GRIA3: variants seen among roughly 807,000 people sequenced by gnomAD.
GRIA3 encodes glutamate receptor 3.
In GRIA3, 3 loss-of-function variants were observed where a neutral mutation model predicts 63.0. The observed-to-expected ratio is 0.05, with a 90% CI of 0.02 to 0.12. GRIA3 has a LOEUF of 0.12. Ranked by LOEUF, GRIA3 falls within the 10% of genes least tolerant of loss-of-function variation. The pLI is 1.00. For synonymous variants in GRIA3, 274 were observed against 257.9 expected (o/e 1.06, Z -0.60); for missense variants, 347 against 700.9 (o/e 0.50, Z 5.70).
chrX:123,306,016 A>T (rs755809954), intron 3 of GRIA3, among the ~76,000 whole-genome samples: 25 of 111,509 alleles, frequency 2.2e-4, no homozygotes, highest in Admixed American at 2.0e-3. Flanking sequence ...ATGTTCTTAG[A>T]CTATTCTGTA....
At chrX:123,272,071 C>CA (rs1198904337) in intron 3 of GRIA3, among the ~76,000 whole-genome samples, 1 of 111,698 alleles carries the variant, frequency 9.0e-6, no homozygotes, top group African/African-American at 3.3e-5. Flanking sequence ...GTTAGGAACA[C>CA]AGAGTCCAGC....
At chrX:123,266,878 C>G (rs1318220195) in intron 3 of GRIA3, among the ~76,000 whole-genome samples, 7 of 110,229 alleles carry the variant, frequency 6.4e-5, no homozygotes, top group Non-Finnish European at 1.1e-4. Flanking sequence ...CTCCATTCCC[C>G]CCATACACAC....
chrX:123,243,000 G>A (rs1168658591), intron 2 of GRIA3, among the ~76,000 whole-genome samples: 2 of 111,664 alleles, frequency 1.8e-5, no homozygotes, highest in Non-Finnish European at 3.8e-5. Context: ...TATGGAGTAG[G>A]TACTATTATA....
intron 3 of GRIA3, among the ~76,000 whole-genome samples, chrX:123,283,650 G>A (rs1045169553): frequency 1.8e-4 from 20 of 111,854 alleles, no homozygotes; most frequent in African/African-American, 6.5e-4. Flanking sequence ...ACTCGGCAGA[G>A]CCCACTGCAG....
At chrX:123,374,342 C>T (rs1189376258) in intron 5 of GRIA3, among the ~76,000 whole-genome samples, 2 of 111,806 alleles carry the variant, frequency 1.8e-5, no homozygotes, top group Non-Finnish European at 1.9e-5. Context: ...AATGCAGGCT[C>T]TTTTTTGGTT....
At chrX:123,436,745 C>A (rs1185223741) in intron 12 of GRIA3, among the ~76,000 whole-genome samples, 1 of 111,336 alleles carries the variant, frequency 9.0e-6, no homozygotes, top group Non-Finnish European at 1.9e-5. Flanking sequence ...CACACAGGAC[C>A]CCCAGATCTT....
intron 5 of GRIA3, among the ~76,000 whole-genome samples, chrX:123,394,140 T>C (rs2147378110): frequency 8.9e-6 from 1 of 112,277 alleles, no homozygotes; most frequent in African/African-American, 3.2e-5. Context: ...GGCAGGCAGA[T>C]CACTTGAGGT....
intron 5 of GRIA3, 85 bp downstream of exon 5, chrX:123,355,048 T>A: frequency 1.5e-6 from 1 of 680,721 alleles, no homozygotes; most frequent in Non-Finnish European, 2.4e-6. Context: ...ATACATCAAG[T>A]ACCTAATGCT....
At chrX:123,417,334 C>T (rs902829533) in intron 10 of GRIA3, 68 bp from the exon 11 acceptor site, 16 of 918,795 alleles carry the variant, frequency 1.7e-5, no homozygotes, top group South Asian at 6.3e-5. Context: ...GTATATTAAG[C>T]GACAAATAAC....
At chrX:123,288,397 A>G (rs2044634599) in intron 3 of GRIA3, among the ~76,000 whole-genome samples, 1 of 112,703 alleles carries the variant, frequency 8.9e-6, no homozygotes, top group African/African-American at 3.2e-5. Flanking sequence ...AATGGCAACA[A>G]AAGCCAGAAT....
At chrX:123,256,607 A>C (rs2044421290) in intron 3 of GRIA3, among the ~76,000 whole-genome samples, 1 of 112,283 alleles carries the variant, frequency 8.9e-6, no homozygotes, top group African/African-American at 3.2e-5. Flanking sequence ...AAGTAGGTAG[A>C]AAGTGGCCTG....
intron 12 of GRIA3, among the ~76,000 whole-genome samples, 165 bp downstream of exon 12, chrX:123,428,304 C>T (rs763214108): frequency 9.0e-6 from 1 of 110,747 alleles, no homozygotes; most frequent in African/African-American, 3.3e-5. Flanking sequence ...ACTCCATTGT[C>T]GTTTAGAACC....
At chrX:123,213,131 G>T (rs1200765101) in intron 2 of GRIA3, among the ~76,000 whole-genome samples, 2 of 111,970 alleles carry the variant, frequency 1.8e-5, no homozygotes, top group Non-Finnish European at 3.8e-5. Context: ...ATCTGAGGTG[G>T]AATAGTTCCA....
intron 3 of GRIA3, among the ~76,000 whole-genome samples, chrX:123,264,014 A>G (rs2147290126): frequency 1.8e-5 from 2 of 112,289 alleles, no homozygotes; most frequent in East Asian, 5.6e-4. Context: ...AGATGAATTC[A>G]TGGATGACAG....
chrX:123,486,998 G>A (rs1392630183), intron 15 of GRIA3, among the ~76,000 whole-genome samples: 1 of 110,175 alleles, frequency 9.1e-6, no homozygotes, highest in African/African-American at 3.3e-5. Context: ...CATTTTCTAT[G>A]GGTGATAGTC....
chrX:123,385,928 T>C lies in GRIA3; in HGVS notation c.751-9040T>C, dbSNP rs752237142. Among the ~76,000 whole-genome samples the C allele has an allele frequency of 2.7e-5, 3 of 112,374 alleles. No individual in the cohort carries two copies. The South Asian group carries it at 1.1e-3, about 42-fold the overall frequency. ...GGTATTCCTTAGATATACTGATTTCTTTTCCTGTGGATAAATACTCAGTAG... is the reference window on the plus strand; with the variant it reads ...GGTATTCCTTAGATATACTGATTTCCTTTCCTGTGGATAAATACTCAGTAG... On this transcript the variant is annotated intron_variant, in intron 5 of 15. Transcript: ENST00000620443.
intron 3 of GRIA3, among the ~76,000 whole-genome samples, chrX:123,299,468 G>T (rs2044706823): frequency 9.0e-6 from 1 of 110,957 alleles, no homozygotes. Flanking sequence ...GTATTCCTAG[G>T]TATTTTATTC....
intron 7 of GRIA3, among the ~76,000 whole-genome samples, chrX:123,402,762 A>AT (rs1288921171): frequency 9.0e-6 from 1 of 111,188 alleles, no homozygotes; most frequent in African/African-American, 3.3e-5. Context: ...ATTATATTAT[A>AT]TAAGTAACAG....
At chrX:123,375,466 G>C (rs1469115211) in intron 5 of GRIA3, among the ~76,000 whole-genome samples, 1 of 111,873 alleles carries the variant, frequency 8.9e-6, no homozygotes, top group East Asian at 2.8e-4. Flanking sequence ...AAGTTTGTAA[G>C]TCTAGGGATA....
Sources: allele counts gnomAD v4.1 joint callset (sites outside exome capture counted in the v4.1 genomes callset), GRCh38; gene constraint gnomAD v4.1.1; transcripts MANE v1.5; gene names NCBI Gene and HGNC (gene_info 2026-07-23, HGNC 2026-07-21).